IWS1: variants seen among roughly 807,000 people sequenced by gnomAD.
The protein encoded by IWS1 is interacts with SUPT6H, CTD assembly factor 1, also known as protein IWS1 homolog.
In IWS1, 27 loss-of-function variants were observed where a neutral mutation model predicts 86.7. That is an observed-to-expected ratio of 0.31 (90% CI 0.23 to 0.43). The LOEUF is 0.43. Among genes scored for constraint, IWS1 ranks in the 20% least tolerant of loss-of-function variants. The pLI is 1.00. For missense variants in IWS1, 827 were observed against 1,000.8 expected (o/e 0.83, Z 2.34); for synonymous variants, 313 against 335.1 (o/e 0.93, Z 0.72).
Position 127,505,185 on chromosome 2 carries a change from C to T in IWS1, c.718G>A (p.Glu240Lys), listed in dbSNP as rs1691062250. Residue 240 changes from glutamate (E) to lysine (K), a missense_variant, in exon 3 of 14, where the codon GAG becomes AAG. Physicochemically the swap from Glu to Lys is moderately conservative, Grantham distance 56. This residue lies in a region of IWS1 where 548 missense variants were observed against 560.2 expected (regional missense o/e 0.98). Coordinates refer to ENST00000295321, the MANE Select transcript of IWS1 (RefSeq NM_017969.3). This position sits in a 1 kb window ranked among gnomAD's most constrained non-coding sequence, Gnocchi z 5.0. The part of the protein sequence containing the change: ...PRHQASDSEN[E>K]ELPKPRISDS... The stretch of plus-strand genomic sequence containing the variant: ...CTGATACGAGGTTTGGGAAGCTCCT[C>T]ATTTTCAGAGTCACTGGCCTGGTGC... 6.2e-7 allele frequency: 1 copy of T among 1,613,760 alleles called. No individual in the cohort carries two copies. Among genetic ancestry groups the T allele is most frequent in the Admixed American group, 1.7e-5 (1 of 59,934 alleles).
chr2:127,505,129 G>A lies in IWS1; in HGVS notation c.774C>T (p.His258=). The A allele has an allele frequency of 6.2e-7, 1 of 1,610,738 alleles. No individual in the cohort carries two copies. The stretch of plus-strand genomic sequence containing the variant: ...CTTCATTTTCTGAGTCACTGGCCTG[G>A]TGCCTCGGAGGGTCCTCACTTTCTG... ...SDSESEDPPR[H]QASDSENEEL... is the part of the protein sequence containing the mutation. The change falls in exon 3 of 14, where the codon CAC becomes CAT. Residue 258 remains histidine, a synonymous_variant. Coordinates refer to ENST00000295321, the MANE Select transcript of IWS1 (RefSeq NM_017969.3). The surrounding 1 kb of genome is among the most constrained non-coding windows in gnomAD (Gnocchi z 5.0).
intron 5 of IWS1, among the ~76,000 whole-genome samples, chr2:127,500,524 A>G (rs1368900409): frequency 2.6e-5 from 4 of 152,066 alleles, no homozygotes; most frequent in South Asian, 2.1e-4. Context: ...CCTCTTTTAT[A>G]ATATTATAGA....
At chr2:127,512,553 C>T (rs1411598340) in intron 2 of IWS1, among the ~76,000 whole-genome samples, 1 of 152,150 alleles carries the variant, frequency 6.6e-6, no homozygotes, top group Admixed American at 6.5e-5. Context: ...TGAAATATAT[C>T]AAGTCCTTCT....
intron 1 of IWS1, among the ~76,000 whole-genome samples, chr2:127,524,009 A>G (rs1340581990): frequency 6.6e-6 from 1 of 152,252 alleles, no homozygotes; most frequent in African/African-American, 2.4e-5. Flanking sequence ...AAACTACACC[A>G]TAAAAACAAT....
At chr2:127,509,475 G>A (rs1039356012) in intron 2 of IWS1, among the ~76,000 whole-genome samples, 8 of 152,056 alleles carry the variant, frequency 5.3e-5, no homozygotes, top group South Asian at 2.1e-4. Flanking sequence ...TTGGGAGGCC[G>A]AGGTGGGCAG....
At chr2:127,487,630 GA>G (rs1312685523) in intron 12 of IWS1, among the ~76,000 whole-genome samples, 8 of 152,046 alleles carry the variant, frequency 5.3e-5, no homozygotes, top group South Asian at 2.1e-4. Flanking sequence ...AGCTCACCGC[GA>G]GCTCCACCTC....
Position 127,489,277 on chromosome 2 carries a change from C to T in IWS1, c.2160-42G>A, listed in dbSNP as rs1690088920. ...CAAGGAGATACCAGGAATATTAGAA[C>T]CTAATAACTCAGAAAAAGAGCAAAC... On this transcript the variant is annotated intron_variant, in intron 11 of 13. Transcript: ENST00000295321. The surrounding 1 kb of genome is among the most constrained non-coding windows in gnomAD (Gnocchi z 4.8). The T allele has an allele frequency of 1.4e-6, 2 of 1,426,908 alleles. No homozygotes were observed. Among genetic ancestry groups the T allele is most frequent in the Non-Finnish European group, 2.0e-6 (2 of 1,022,302 alleles). 88.4% of individuals were successfully genotyped at this position (1,426,908 alleles called of 1,614,324 possible).
intron 3 of IWS1, among the ~76,000 whole-genome samples, chr2:127,504,408 T>TC (rs1184936943): frequency 6.6e-6 from 1 of 150,814 alleles, no homozygotes; most frequent in Non-Finnish European, 1.5e-5. Flanking sequence ...TCTTCCAGTT[T>TC]TAAAAAAAAA....
intron 1 of IWS1, among the ~76,000 whole-genome samples, chr2:127,525,115 G>A (rs1038736602): frequency 2.0e-5 from 3 of 149,260 alleles, no homozygotes; most frequent in Non-Finnish European, 4.5e-5. Flanking sequence ...GGGGCGTAGG[G>A]GGGTGGGGTA....
chr2:127,527,285 AC>A (rs1489816582), upstream of IWS1, among the ~76,000 whole-genome samples: 7 of 152,262 alleles, frequency 4.6e-5, no homozygotes, highest in East Asian at 1.2e-3. Flanking sequence ...AGCCAAACAG[AC>A]CTTCCAAATT....
intron 8 of IWS1, among the ~76,000 whole-genome samples, chr2:127,493,713 A>G (rs1690355388): frequency 6.6e-6 from 1 of 151,890 alleles, no homozygotes; most frequent in Non-Finnish European, 1.5e-5. Flanking sequence ...CAATCTTTTC[A>G]ACTAAAAAAA....
Position 127,493,290 on chromosome 2 carries a change from G to A in IWS1, c.1920C>T (p.Ile640=), listed in dbSNP as rs1226114736. 2 of 1,611,438 alleles carry A rather than the reference G, an allele frequency of 1.2e-6. No individual in the cohort carries two copies. Among genetic ancestry groups the A allele is most frequent in the Admixed American group, 3.4e-5 (2 of 59,410 alleles). The part of the protein sequence containing the change: ...ALKIREELLK[I]LQELPSVSQE... Reference sequence around the variant, plus strand: ...ATTATCTGCCTCTAACCTCTTGCAGGATCTTCAGCAGCTCCTCCCGGATCT... The same window carrying A: ...ATTATCTGCCTCTAACCTCTTGCAGAATCTTCAGCAGCTCCTCCCGGATCT... Residue 640 remains isoleucine, a synonymous_variant, in exon 9 of 14, where the codon ATC becomes ATT. Transcript: ENST00000295321.
chr2:127,509,707 C>CAAAAAAAAAAAAAAAAAAAAAAAAAA (rs34526019), intron 2 of IWS1, among the ~76,000 whole-genome samples: 1 of 55,474 alleles, frequency 1.8e-5, no homozygotes, highest in Non-Finnish European at 3.1e-5. Flanking sequence ...CACTCCATCT[C>CAAAAAAAAAAAAAAAAAAAAAAAAAA]AAAAAAAAAA....
chr2:127,498,051 G>T, intron 6 of IWS1, 89 bp downstream of exon 6: 1 of 1,021,954 alleles, frequency 9.8e-7, no homozygotes, highest in Non-Finnish European at 1.5e-6. Flanking sequence ...ACTTAATCAG[G>T]AACCAAAATG....
chr2:127,492,071 C>G lies in IWS1; in HGVS notation c.1947G>C (p.Gln649His). ...CAATCCCACTATGCTTCAGGGTCTC[C>G]TGGCTCACACTAGGCAGCTGGGGAA... is the stretch of plus-strand genomic sequence containing the variant. Reference protein sequence around the residue: ...KILQELPSVSQETLKHSGIGR... With the variant: ...KILQELPSVSHETLKHSGIGR... Residue 649 changes from glutamine to histidine, a missense_variant, in exon 10 of 14, where the codon CAG (glutamine) becomes CAC (histidine). By Grantham distance (24) the Gln-to-His change is conservative. Around this residue, in one of 2 missense-constraint regions of IWS1, gnomAD observed 279 missense variants for 440.6 expected, o/e 0.63. Coordinates refer to ENST00000295321, the MANE Select transcript of IWS1 (RefSeq NM_017969.3). 1 of 1,613,276 alleles carries G rather than the reference C, an allele frequency of 6.2e-7. No homozygotes were observed. The highest frequency in any genetic ancestry group is 8.5e-7 in the Non-Finnish European group (1 of 1,179,204).
chr2:127,503,960 T>C (rs1690960903), intron 3 of IWS1, among the ~76,000 whole-genome samples: 1 of 152,220 alleles, frequency 6.6e-6, no homozygotes, highest in Non-Finnish European at 1.5e-5. Flanking sequence ...AAGGACTACA[T>C]ATTTCTTTCT....
At chr2:127,507,882 T>C (rs530086104) in intron 2 of IWS1, among the ~76,000 whole-genome samples, 1 of 152,328 alleles carries the variant, frequency 6.6e-6, no homozygotes, top group East Asian at 1.9e-4. Context: ...ACAAACTTTG[T>C]TTCATGTGAA....
rs34526019 is a variant in IWS1 at position 127,509,707 on chromosome 2, CAAAAAAAAAAAAA to C, written c.151-3968_151-3956del. On this transcript the variant is annotated intron_variant, in intron 2 of 13. Coordinates refer to ENST00000295321, the MANE Select transcript of IWS1 (RefSeq NM_017969.3). The stretch of plus-strand genomic sequence containing the variant: ...TATGTGACAGAGCAACACTCCATCT[CAAAAAAAAAAAAA>C]AAAAAAAAAAAGCCATCGATAATGC... 5.0e-4 allele frequency among the ~76,000 whole-genome samples: 28 copies of C among 55,484 alleles called. No homozygotes were observed. The South Asian group carries it at 0.032, about 64-fold the overall frequency. 36.4% of individuals were successfully genotyped at this position (55,484 alleles called of 152,430 possible).
rs763711240 is a variant in IWS1, at chr2:127,504,923, G to C, written c.980C>G (p.Pro327Arg). Residue 327 changes from proline (P) to arginine (R), a missense_variant, in exon 3 of 14, where the codon CCA becomes CGA. By Grantham distance (103) the Pro-to-Arg change is moderately radical (BLOSUM62 -2). Transcript: ENST00000295321. ...TEDASRHKQK[P>R]ESDDDSDREN... is the part of the protein sequence containing the mutation. ...CCTGTCGCTGTCATCATCTGACTCT[G>C]GCTTCTGTTTGTGTCTGGACGCATC... 23 of 1,614,104 alleles carry C rather than the reference G, an allele frequency of 1.4e-5. No individual in the cohort carries two copies. Among genetic ancestry groups the C allele is most frequent in the Non-Finnish European group, 1.9e-5 (23 of 1,180,032 alleles).
Sources: gnomAD v4.1 joint callset for allele counts (sites outside exome capture counted in the v4.1 genomes callset) on GRCh38, gnomAD v4.1.1 for gene constraint, gnomAD v4.1.1 regional missense constraint, Gnocchi (gnomAD v3.1) non-coding constraint, MANE v1.5 for transcripts, NCBI Gene and HGNC (gene_info 2026-07-23, HGNC 2026-07-21) for gene names.